DSCAML1: variants seen among roughly 807,000 people sequenced by gnomAD.
The protein encoded by DSCAML1 is DS cell adhesion molecule like 1, also known as cell adhesion molecule DSCAML1.
In DSCAML1, 38 loss-of-function variants were observed where a neutral mutation model predicts 200.5. The ratio of observed to expected loss-of-function variants is 0.19; its 90% CI spans 0.15 to 0.25. The LOEUF is 0.25. Among genes scored for constraint, DSCAML1 ranks in the 10% least tolerant of loss-of-function variants. The pLI is 1.00. For missense variants in DSCAML1, 2,223 were observed against 2,858.8 expected (o/e 0.78, Z 5.07); for synonymous variants, 1,215 against 1,165.0 (o/e 1.04, Z -0.87).
intron 3 of DSCAML1, among the ~76,000 whole-genome samples, chr11:117,562,136 T>A (rs2050674846): frequency 6.6e-6 from 1 of 152,172 alleles, no homozygotes; most frequent in African/African-American, 2.4e-5. Context: ...TTTCTGGGGC[T>A]CTGGGTCTGA....
At chr11:117,497,617 C>T (rs575000322) in intron 11 of DSCAML1, among the ~76,000 whole-genome samples, 2 of 152,386 alleles carry the variant, frequency 1.3e-5, no homozygotes, top group South Asian at 4.1e-4. Flanking sequence ...TCTCTCTTCC[C>T]TTCCCTCCCT....
intron 8 of DSCAML1, among the ~76,000 whole-genome samples, chr11:117,508,378 C>T (rs149477158): frequency 3.1e-4 from 47 of 152,210 alleles, no homozygotes; most frequent in African/African-American, 1.0e-3. Context: ...CCTTATATAA[C>T]TAGGACTTAT....
chr11:117,711,895 C>T (rs1416534249), intron 3 of DSCAML1, among the ~76,000 whole-genome samples: 3 of 152,166 alleles, frequency 2.0e-5, no homozygotes, highest in African/African-American at 7.2e-5. Flanking sequence ...ACAAAAGCAG[C>T]TTTTTGAATC....
chr11:117,783,711 C>T lies in DSCAML1; in HGVS notation c.47-2901G>A, dbSNP rs188525367. On this transcript the variant is annotated intron_variant, in intron 1 of 32. Transcript: ENST00000651296. Reference sequence around the variant, plus strand: ...GAGCTGGGGCTAGAACCCAGCTTTGCCTCGCCTCAGAGCTGGGGGATGCAC... The same window carrying T: ...GAGCTGGGGCTAGAACCCAGCTTTGTCTCGCCTCAGAGCTGGGGGATGCAC... Among the ~76,000 whole-genome samples, 7 of 152,250 alleles carry T rather than the reference C, an allele frequency of 4.6e-5. No individual in the cohort carries two copies. In the East Asian group the frequency reaches 1.3e-3, roughly 29 times the overall value.
chr11:117,433,419 G>C (rs1165964682), intron 28 of DSCAML1, 22 bp downstream of exon 28: 1 of 1,613,118 alleles, frequency 6.2e-7, no homozygotes, highest in East Asian at 2.2e-5. Flanking sequence ...GAGGAGAAAG[G>C]AAGCAGCTTG....
At chr11:117,636,434 C>G (rs539911596) in intron 3 of DSCAML1, among the ~76,000 whole-genome samples, 3 of 152,184 alleles carry the variant, frequency 2.0e-5, no homozygotes, top group African/African-American at 7.2e-5. Flanking sequence ...ATGAACAAGA[C>G]GTATATTCCT....
rs117547958 is a variant in DSCAML1 at position 117,668,014 on chromosome 11, C to T, written c.511+108777G>A. Among the ~76,000 whole-genome samples the T allele has an allele frequency of 1.1e-3, 166 of 152,336 alleles. 4 individuals are homozygous for T. The East Asian group carries it at 0.029, about 26-fold the overall frequency. On this transcript the variant is annotated intron_variant, in intron 3 of 32. Coordinates refer to ENST00000651296, the MANE Select transcript of DSCAML1 (RefSeq NM_020693.4). The stretch of plus-strand genomic sequence containing the variant: ...AACAATATAACAGCCAAACACCATT[C>T]GCATTATTATGCACTGAGGGTTTTA...
At chr11:117,446,037 CT>C (rs1264308192) in intron 20 of DSCAML1, among the ~76,000 whole-genome samples, 1 of 152,286 alleles carries the variant, frequency 6.6e-6, no homozygotes, top group Non-Finnish European at 1.5e-5. Flanking sequence ...ATAAATTCAG[CT>C]TCTGTAAAAA....
intron 3 of DSCAML1, among the ~76,000 whole-genome samples, chr11:117,715,453 T>C (rs766414003): frequency 6.6e-6 from 1 of 152,262 alleles, no homozygotes. Flanking sequence ...TTGACCATTC[T>C]CTTTTACAAC....
chr11:117,692,427 C>T (rs1283393163), intron 3 of DSCAML1, among the ~76,000 whole-genome samples: 1 of 151,994 alleles, frequency 6.6e-6, no homozygotes, highest in Non-Finnish European at 1.5e-5. Flanking sequence ...CTCTCTCTCC[C>T]ATCCCTCCCC....
chr11:117,565,938 G>A (rs1158708965), intron 3 of DSCAML1, among the ~76,000 whole-genome samples: 1 of 152,164 alleles, frequency 6.6e-6, no homozygotes, highest in African/African-American at 2.4e-5. Context: ...ATATCTCTTG[G>A]ACAACTGTCT....
intron 3 of DSCAML1, among the ~76,000 whole-genome samples, chr11:117,658,399 A>C (rs2052775251): frequency 6.6e-6 from 1 of 152,200 alleles, no homozygotes; most frequent in Non-Finnish European, 1.5e-5. Flanking sequence ...CAACTCCTTC[A>C]TAATTTATAG....
intron 3 of DSCAML1, among the ~76,000 whole-genome samples, chr11:117,620,145 G>A (rs954775083): frequency 6.6e-6 from 1 of 152,114 alleles, no homozygotes; most frequent in South Asian, 2.1e-4. Flanking sequence ...ATATGTGAAC[G>A]ATTCCTAAAC....
In DSCAML1 at chr11:117,518,308, G is replaced by A; in HGVS notation, c.1510+158C>T. The A allele has an allele frequency of 2.1e-6, 2 of 957,094 alleles. No individual in the cohort carries two copies. Among genetic ancestry groups the A allele is most frequent in the Admixed American group, 2.0e-5 (1 of 50,410 alleles). 59.3% of individuals were successfully genotyped at this position (957,094 alleles called of 1,614,324 possible). Reference sequence around the variant, plus strand: ...CACAAGAATGGATGATGGCGCTTGAGGAGGGCAGGAAAAGGGGACGAGAGA... The same window carrying A: ...CACAAGAATGGATGATGGCGCTTGAAGAGGGCAGGAAAAGGGGACGAGAGA... On this transcript the variant is annotated intron_variant, in intron 7 of 32. Transcript: ENST00000651296. This position sits in a 1 kb window ranked among gnomAD's most constrained non-coding sequence, Gnocchi z 6.3.
intron 3 of DSCAML1, among the ~76,000 whole-genome samples, chr11:117,676,424 C>G (rs956031923): frequency 6.6e-6 from 1 of 152,178 alleles, no homozygotes; most frequent in African/African-American, 2.4e-5. Context: ...GTGGGGCATG[C>G]GAGTGAGGTC....
At chr11:117,778,030 G>A (rs1164238823) in intron 2 of DSCAML1, among the ~76,000 whole-genome samples, 1 of 152,164 alleles carries the variant, frequency 6.6e-6, no homozygotes, top group Non-Finnish European at 1.5e-5. Flanking sequence ...TTAGGGCCCT[G>A]GCAGCCCATC....
At chr11:117,541,677 C>G (rs976105583) in intron 3 of DSCAML1, among the ~76,000 whole-genome samples, 14 of 152,304 alleles carry the variant, frequency 9.2e-5, no homozygotes, top group African/African-American at 2.9e-4. Context: ...AAAGTACAGA[C>G]AAGAACACAG....
chr11:117,623,371 G>T (rs1237804583), intron 3 of DSCAML1, among the ~76,000 whole-genome samples: 1 of 151,946 alleles, frequency 6.6e-6, no homozygotes, highest in African/African-American at 2.4e-5. Flanking sequence ...AGTGCGCCAT[G>T]ACACCAGCTA....
At chr11:117,758,300 A>T (rs899212697) in intron 3 of DSCAML1, among the ~76,000 whole-genome samples, 1 of 120,186 alleles carries the variant, frequency 8.3e-6, no homozygotes, top group Non-Finnish European at 1.8e-5. Flanking sequence ...ACTCCATCTC[A>T]AAAAAAAAAA....
Sources: gnomAD v4.1 joint callset for allele counts (sites outside exome capture counted in the v4.1 genomes callset) on GRCh38, gnomAD v4.1.1 for gene constraint, Gnocchi (gnomAD v3.1) non-coding constraint, MANE v1.5 for transcripts, NCBI Gene and HGNC (gene_info 2026-07-23, HGNC 2026-07-21) for gene names.